The following UBE2N variants were observed in gnomAD, a reference collection of about 807,000 sequenced individuals.
UBE2N encodes ubiquitin conjugating enzyme E2 N.
For synonymous variants in UBE2N, 70 were observed against 69.2 expected, an observed-to-expected ratio of 1.01 and a Z score of -0.06; for missense variants, 60 against 192.1, an observed-to-expected ratio of 0.31 and a Z score of 4.07.
intron 1 of UBE2N, among the ~76,000 whole-genome samples, chr12:93,419,769 T>C (rs540308250): frequency 7.9e-5 from 12 of 152,340 alleles, no homozygotes; most frequent in Non-Finnish European, 1.5e-4. Context: ...AAACCAAAGT[T>C]AGCACCTACC....
At chr12:93,414,116 G>A (rs866959341) in intron 1 of UBE2N, among the ~76,000 whole-genome samples, 86 of 146,588 alleles carry the variant, frequency 5.9e-4, no homozygotes, top group Middle Eastern at 3.9e-3. Flanking sequence ...AGCTGAGATC[G>A]TGCCATTGCA....
intron 2 of UBE2N, 24 bp downstream of exon 2, chr12:93,411,029 T>C (rs772862482): frequency 4.3e-6 from 7 of 1,614,000 alleles, no homozygotes; most frequent in Non-Finnish European, 5.9e-6. Flanking sequence ...AATAATAGCA[T>C]ATGCTGATAA....
chr12:93,437,459 T>C (rs865979030), intron 1 of UBE2N, among the ~76,000 whole-genome samples: 2 of 152,138 alleles, frequency 1.3e-5, no homozygotes. Flanking sequence ...GCCTAACTTA[T>C]AGCAGAAAGT....
At chr12:93,441,757 AGCGGGCC>A (rs1468868618) in intron 1 of UBE2N, 91 bp downstream of exon 1, 3 of 1,509,758 alleles carry the variant, frequency 2.0e-6, no homozygotes, top group Non-Finnish European at 1.8e-6. Context: ...GGCCTCCCAG[AGCGGGCC>A]GCGGGCCGAA....
At position 93,406,469 on chromosome 12, in the gene UBE2N, T is replaced by C. The variant is rs1207276703; in HGVS notation, c.*3570A>G. 6.6e-6 allele frequency: 1 copy of C among 152,090 alleles called. No individual in the cohort carries two copies. Among genetic ancestry groups the C allele is most frequent in the Admixed American group, 6.5e-5 (1 of 15,268 alleles). 9.4% of individuals were successfully genotyped at this position (152,090 alleles called of 1,614,324 possible). On this transcript the variant is annotated 3_prime_UTR_variant, in exon 4 of 4. Coordinates refer to ENST00000318066, the MANE Select transcript of UBE2N (RefSeq NM_003348.4). ...CACCTGTGACTTTTATCTGTTGGTT[T>C]GTATTTAATCTTATTTTTAAGTGCT... is the stretch of plus-strand genomic sequence containing the variant.
In UBE2N at chr12:93,416,494, C is replaced by G. The variant is rs112054188; in HGVS notation, c.31-5195G>C. Among the ~76,000 whole-genome samples, 13 of 151,020 alleles carry G rather than the reference C, an allele frequency of 8.6e-5. 1 individual carries two copies. Among genetic ancestry groups the G allele is most frequent in the Admixed American group, 2.6e-4 (4 of 15,096 alleles). On this transcript the variant is annotated intron_variant, in intron 1 of 3. Coordinates refer to ENST00000318066, the MANE Select transcript of UBE2N (RefSeq NM_003348.4). ...GACAAGTCTCGCTCTCTTGCCCAGGCTGCAGTGCAGTGGCACGATCTTGGC... is the reference window on the plus strand; with the variant it reads ...GACAAGTCTCGCTCTCTTGCCCAGGGTGCAGTGCAGTGGCACGATCTTGGC...
At chr12:93,439,695 C>A (rs73366080) in intron 1 of UBE2N, among the ~76,000 whole-genome samples, 4,121 of 151,996 alleles carry the variant, frequency 0.027, 192 homozygotes, top group African/African-American at 0.095. Flanking sequence ...TATGGAACAA[C>A]CTACATAACA....
At chr12:93,417,169 T>C (rs1044196972) in intron 1 of UBE2N, among the ~76,000 whole-genome samples, 4 of 152,216 alleles carry the variant, frequency 2.6e-5, no homozygotes, top group Admixed American at 6.5e-5. Flanking sequence ...AGGTATCTCA[T>C]CTTATAGAAC....
At chr12:93,418,167 G>C (rs920251069) in intron 1 of UBE2N, among the ~76,000 whole-genome samples, 1 of 151,896 alleles carries the variant, frequency 6.6e-6, no homozygotes, top group Admixed American at 6.6e-5. Flanking sequence ...CACCAGCCTG[G>C]GCAACATAGC....
intron 1 of UBE2N, among the ~76,000 whole-genome samples, chr12:93,438,771 T>C (rs142352770): frequency 6.6e-6 from 1 of 152,298 alleles, no homozygotes; most frequent in East Asian, 1.9e-4. Flanking sequence ...TCTGATTTAG[T>C]ACATATATTG....
intron 1 of UBE2N, among the ~76,000 whole-genome samples, chr12:93,425,034 A>T (rs1375138248): frequency 6.6e-6 from 1 of 152,250 alleles, no homozygotes. Flanking sequence ...GTGAAGCAGC[A>T]TCTTTGCAAA....
Position 93,428,557 on chromosome 12 carries a change from T to C in UBE2N, c.30+13298A>G, listed in dbSNP as rs532028461. Among the ~76,000 whole-genome samples the C allele has an allele frequency of 4.6e-5, 7 of 152,354 alleles. No homozygotes were observed. In the South Asian group the frequency reaches 1.4e-3, roughly 32 times the overall value. Reference sequence around the variant, plus strand: ...ATACAAAGCAGTGCTAGCTGTATGATTTTACTTTTGTCTCCCATTCTACCC... The same window carrying C: ...ATACAAAGCAGTGCTAGCTGTATGACTTTACTTTTGTCTCCCATTCTACCC... On this transcript the variant is annotated intron_variant, in intron 1 of 3. Coordinates refer to ENST00000318066, the MANE Select transcript of UBE2N (RefSeq NM_003348.4).
chr12:93,437,107 G>A (rs1878956508), intron 1 of UBE2N, among the ~76,000 whole-genome samples: 1 of 151,236 alleles, frequency 6.6e-6, no homozygotes, highest in African/African-American at 2.4e-5. Context: ...TACTGAAAAA[G>A]TATTAAATTT....
intron 1 of UBE2N, among the ~76,000 whole-genome samples, chr12:93,440,631 C>T (rs1277969716): frequency 6.6e-6 from 1 of 152,194 alleles, no homozygotes; most frequent in Non-Finnish European, 1.5e-5. Flanking sequence ...GCAAGATTAA[C>T]ATACACGTTC....
chr12:93,434,222 GTGGAGA>G (rs1878854315), intron 1 of UBE2N, among the ~76,000 whole-genome samples: 1 of 152,214 alleles, frequency 6.6e-6, no homozygotes, highest in South Asian at 2.1e-4. Context: ...AACCTGGGAG[GTGGAGA>G]TTGCAGTTAG....
At position 93,407,387 on chromosome 12, in the gene UBE2N, C is replaced by T. The variant is rs747403274; in HGVS notation, c.*2652G>A. On this transcript the variant is annotated 3_prime_UTR_variant, in exon 4 of 4. Coordinates refer to ENST00000318066, the MANE Select transcript of UBE2N (RefSeq NM_003348.4). ...TGCCATTCACTCACCACCTAATCAT[C>T]CCCAACAACTAGTGGGCAAACATGA... is the stretch of plus-strand genomic sequence containing the variant. 3 of 152,232 alleles carry T rather than the reference C, an allele frequency of 2.0e-5. No homozygotes were observed. The highest frequency in any genetic ancestry group is 4.4e-5 in the Non-Finnish European group (3 of 68,056). 9.4% of individuals were successfully genotyped at this position (152,232 alleles called of 1,614,324 possible). A position where few individuals can be genotyped will look rare whatever the true frequency, so the allele number is the denominator to read the frequency against.
chr12:93,426,792 G>C (rs1878602072), intron 1 of UBE2N, among the ~76,000 whole-genome samples: 1 of 152,158 alleles, frequency 6.6e-6, no homozygotes, highest in Non-Finnish European at 1.5e-5. Context: ...CCTAGTTTAA[G>C]TCTGCAGATA....
Position 93,410,279 on chromosome 12 carries a change from A to C in UBE2N, c.419-200T>G, listed in dbSNP as rs1877994960. On this transcript the variant is annotated intron_variant, in intron 3 of 3. Coordinates refer to ENST00000318066, the MANE Select transcript of UBE2N (RefSeq NM_003348.4). ...TTACCAAAACACTACAATAAAATTA[A>C]GAAGTTCTAGAAAATTCAAGAGGAT... 8 of 538,320 alleles carry C rather than the reference A, an allele frequency of 1.5e-5. No individual in the cohort carries two copies. In the South Asian group the frequency reaches 1.9e-4, roughly 13 times the overall value. 33.3% of individuals were successfully genotyped at this position (538,320 alleles called of 1,614,324 possible). A position where few individuals can be genotyped will look rare whatever the true frequency, so the allele number is the denominator to read the frequency against.
intron 1 of UBE2N, among the ~76,000 whole-genome samples, chr12:93,423,519 C>T (rs1306204637): frequency 2.0e-5 from 3 of 152,132 alleles, no homozygotes; most frequent in African/African-American, 7.2e-5. Context: ...AGAGGAGGAG[C>T]TAATTTCACA....
Sources: allele counts gnomAD v4.1 joint callset (sites outside exome capture counted in the v4.1 genomes callset), GRCh38; gene constraint gnomAD v4.1.1; transcripts MANE v1.5; gene names NCBI Gene and HGNC (gene_info 2026-07-23, HGNC 2026-07-21).